Variants in PWWP2A observed in about 807,000 individuals in gnomAD.
The protein encoded by PWWP2A is PWWP domain-containing protein 2A.
Under a neutral mutation model 48.5 loss-of-function variants are expected in PWWP2A, and 18 were observed. The ratio of observed to expected loss-of-function variants is 0.37; its 90% CI spans 0.26 to 0.55. The LOEUF is 0.55. PWWP2A is among the 20% of genes least tolerant of loss of function. The pLI is 0.81. For missense variants in PWWP2A, 867 were observed against 976.4 expected, an observed-to-expected ratio of 0.89 and a Z score of 1.49; for synonymous variants, 396 against 387.7, an observed-to-expected ratio of 1.02 and a Z score of -0.25.
chr5:160,119,260 C>T lies in PWWP2A; in HGVS notation c.129G>A (p.Thr43=). ...SEAGTDPLPV[T]ATEASVPDGE... ...CATCCGGCACAGACGCTTCAGTGGC[C>T]GTGACCGGGAGGGGGTCAGTGCCGG... Residue 43 remains threonine (T), a synonymous_variant, in exon 1 of 2, where the codon ACG becomes ACA. Coordinates refer to ENST00000307063, the MANE Select transcript of PWWP2A (RefSeq NM_001130864.2). 2.1e-6 allele frequency: 3 copies of T among 1,405,850 alleles called. No homozygotes were observed. Among genetic ancestry groups the T allele is most frequent in the South Asian group, 1.6e-5 (1 of 64,466 alleles). 87.1% of individuals were successfully genotyped at this position (1,405,850 alleles called of 1,614,324 possible).
chr5:160,078,255 A>G lies in PWWP2A; in HGVS notation c.1670-87T>C. 1 of 1,121,884 alleles carries G rather than the reference A, an allele frequency of 8.9e-7. No homozygotes were observed. Among genetic ancestry groups the G allele is most frequent in the Non-Finnish European group, 1.3e-6 (1 of 758,154 alleles). The allele number at this position is 1,121,884 out of a possible 1,614,324, so 69.5% of individuals were successfully genotyped here. A position where few individuals can be genotyped will look rare whatever the true frequency, so the allele number is the denominator to read the frequency against. ...ATGATGTCCTTGTTGTTTAAGCCCT[A>G]CATAGATTGTGGGATCACACCTGAT... On this transcript the variant is annotated intron_variant, in intron 3 of 3. Transcript: ENST00000456329. The surrounding 1 kb of genome is among the most constrained non-coding windows in gnomAD (Gnocchi z 4.2).
At chr5:160,072,680 G>A (rs1170160291), downstream of PWWP2A, among the ~76,000 whole-genome samples, 1 of 152,170 alleles carries the variant, frequency 6.6e-6, no homozygotes, top group Non-Finnish European at 1.5e-5. Context: ...AGTGAGCCAT[G>A]GCTGCACCAC....
chr5:160,092,154 A>G lies in PWWP2A; in HGVS notation c.*228T>C. On this transcript the variant is annotated 3_prime_UTR_variant, in exon 2 of 2. Coordinates refer to ENST00000307063, the MANE Select transcript of PWWP2A (RefSeq NM_001130864.2). Reference sequence around the variant, plus strand: ...TGCCTTGGGATGGTTTCGAACTTCAAAACTGAAAAATACTGCTAAAATCTC... The same window carrying G: ...TGCCTTGGGATGGTTTCGAACTTCAGAACTGAAAAATACTGCTAAAATCTC... 1 of 1,290,584 alleles carries G rather than the reference A, an allele frequency of 7.7e-7. No individual in the cohort carries two copies. The highest frequency in any genetic ancestry group is 9.8e-7 in the Non-Finnish European group (1 of 1,020,194). 79.9% of individuals were successfully genotyped at this position (1,290,584 alleles called of 1,614,324 possible). A position where few individuals can be genotyped will look rare whatever the true frequency, so the allele number is the denominator to read the frequency against.
downstream of PWWP2A, chr5:160,091,088 A>G (rs1755019447): frequency 1.0e-6 from 1 of 984,722 alleles, no homozygotes; most frequent in African/African-American, 1.7e-5. Flanking sequence ...CACATTTATG[A>G]GAAATTGGCA....
intron 2 of PWWP2A, among the ~76,000 whole-genome samples, chr5:160,082,679 G>A (rs1754331244): frequency 6.6e-6 from 1 of 152,222 alleles, no homozygotes; most frequent in African/African-American, 2.4e-5. Flanking sequence ...AGTCTTTTGT[G>A]CTAATGTTTA....
intron 1 of PWWP2A, among the ~76,000 whole-genome samples, chr5:160,114,969 T>C (rs1041461163): frequency 6.0e-5 from 9 of 151,256 alleles, no homozygotes; most frequent in African/African-American, 1.9e-4. Context: ...ACCCCATCTC[T>C]ACTAAAAAAT....
At chr5:160,047,418 A>T in the PWWP2A span, among the ~76,000 whole-genome samples, 1 of 152,220 alleles carries the variant, frequency 6.6e-6, no homozygotes, top group South Asian at 2.1e-4. Flanking sequence ...ATTTAAAGAC[A>T]TATTTAATGT....
intron 1 of PWWP2A, among the ~76,000 whole-genome samples, chr5:160,117,361 A>G (rs1253507793): frequency 6.6e-6 from 1 of 152,082 alleles, no homozygotes; most frequent in East Asian, 1.9e-4. Flanking sequence ...TATTTTTAAA[A>G]AAGATACTTG....
chr5:160,045,491 CACACACACACACACACACACACA>C, the PWWP2A span, among the ~76,000 whole-genome samples: 208 of 121,202 alleles, frequency 1.7e-3, 2 homozygotes, highest in African/African-American at 6.5e-3. Flanking sequence ...CACACACACA[CACACACACACACACACACACACA>C]TACACACTCT....
At chr5:160,094,131 G>C in intron 1 of PWWP2A, 66 bp from the exon 2 acceptor site, 1 of 1,436,982 alleles carries the variant, frequency 7.0e-7, no homozygotes, top group Non-Finnish European at 9.3e-7. Flanking sequence ...TTTCTTAAAC[G>C]TAAACAACAT....
At chr5:160,045,498 A>T in the PWWP2A span, among the ~76,000 whole-genome samples, 2,606 of 105,990 alleles carry the variant, frequency 0.025, 263 homozygotes, top group Admixed American at 0.066. Flanking sequence ...ACACACACAC[A>T]CACACACACA....
At chr5:160,080,843 A>G (rs1754176577) in intron 2 of PWWP2A, 2 of 1,396,296 alleles carry the variant, frequency 1.4e-6, no homozygotes, top group Admixed American at 2.7e-5. Flanking sequence ...TACCAAAAAA[A>G]TAGTTTTAAA....
At chr5:160,066,976 G>T (rs920911549) in intron 2 of PWWP2A, 4 of 152,082 alleles carry the variant, frequency 2.6e-5, no homozygotes, top group African/African-American at 7.2e-5. Context: ...GGGGTTCAAG[G>T]CTGCAGTGAG....
chr5:160,058,936 A>T (rs1664833970), downstream of PWWP2A, among the ~76,000 whole-genome samples: 2 of 152,168 alleles, frequency 1.3e-5, no homozygotes, highest in Non-Finnish European at 1.5e-5. Flanking sequence ...AATGCTCAGT[A>T]AATTATTCTA....
intron 4 of PWWP2A, among the ~76,000 whole-genome samples, chr5:160,063,839 A>G (rs1253924214): frequency 6.6e-6 from 1 of 151,574 alleles, no homozygotes; most frequent in African/African-American, 2.4e-5. Context: ...ATAGAGTCTC[A>G]CTGCGTTGCT....
At chr5:160,064,380 G>C (rs1168584661) in intron 4 of PWWP2A, among the ~76,000 whole-genome samples, 1 of 152,238 alleles carries the variant, frequency 6.6e-6, no homozygotes, top group Non-Finnish European at 1.5e-5. Context: ...CCATTTCTAA[G>C]AAATGGCTAG....
Position 160,118,795 on chromosome 5 carries a change from G to C in PWWP2A, c.584+10C>G. On this transcript the variant is annotated intron_variant, in intron 1 of 1. Transcript: ENST00000307063. ...AGCGGACCGGAGGGTGCTGGGGGCG[G>C]GCGCGGTACCTTTTGGACAGATCCA... 1 of 1,444,012 alleles carries C rather than the reference G, an allele frequency of 6.9e-7. No individual in the cohort carries two copies. The highest frequency in any genetic ancestry group is 9.1e-7 in the Non-Finnish European group (1 of 1,094,488). 89.4% of individuals were successfully genotyped at this position (1,444,012 alleles called of 1,614,324 possible).
chr5:160,116,791 C>T (rs1396411679), intron 1 of PWWP2A: 1 of 985,176 alleles, frequency 1.0e-6, no homozygotes, highest in Non-Finnish European at 1.2e-6. Context: ...GTGTCTCTTA[C>T]TATTATATAC....
intron 1 of PWWP2A, among the ~76,000 whole-genome samples, chr5:160,110,006 A>G (rs1045188632): frequency 1.3e-5 from 2 of 150,800 alleles, no homozygotes; most frequent in African/African-American, 4.9e-5. Flanking sequence ...TTGAGCTATT[A>G]ATTTTGACAG....
Sources: gnomAD v4.1 joint callset for allele counts (sites outside exome capture counted in the v4.1 genomes callset) on GRCh38, gnomAD v4.1.1 for gene constraint, Gnocchi (gnomAD v3.1) non-coding constraint, MANE v1.5 for transcripts, NCBI Gene and HGNC (gene_info 2026-07-23, HGNC 2026-07-21) for gene names.